DNAH14: variants seen among roughly 807,000 people sequenced by gnomAD.
DNAH14 encodes the protein axonemal beta dynein heavy chain 14.
Under a neutral mutation model 520.9 loss-of-function variants are expected in DNAH14, and 478 were observed. The observed-to-expected ratio is 0.92, with a 90% CI of 0.85 to 0.99. The LOEUF (loss-of-function observed/expected upper bound fraction) is 0.99. Ranked by LOEUF, DNAH14 falls within the 50% of genes least tolerant of loss-of-function variation. The pLI is 0.00. For synonymous variants in DNAH14, 1,581 were observed against 1,757.2 expected (o/e 0.90, Z 2.51); for missense variants, 4,831 against 5,234.5 (o/e 0.92, Z 2.38).
chr1:225,150,357 CTTGTTGTTGTGTCTTTGCCA>C (rs1028377051), intron 31 of DNAH14, among the ~76,000 whole-genome samples: 2 of 152,036 alleles, frequency 1.3e-5, no homozygotes, highest in African/African-American at 4.8e-5. Context: ...GAAGTTTCTT[CTTGTTGTTGTGTCTTTGCCA>C]GGTTTTAGTG....
chr1:225,127,692 C>T (rs527517487), intron 27 of DNAH14, among the ~76,000 whole-genome samples: 36 of 152,148 alleles, frequency 2.4e-4, no homozygotes, highest in Middle Eastern at 3.4e-3. Flanking sequence ...TTAATGGGAG[C>T]GTTTAGTCCA....
intron 31 of DNAH14, among the ~76,000 whole-genome samples, chr1:225,150,359 T>C (rs1313839975): frequency 6.6e-6 from 1 of 152,152 alleles, no homozygotes; most frequent in Non-Finnish European, 1.5e-5. Flanking sequence ...AGTTTCTTCT[T>C]GTTGTTGTGT....
chr1:224,942,933 G>A (rs1320073746), intron 1 of DNAH14, among the ~76,000 whole-genome samples: 1 of 152,098 alleles, frequency 6.6e-6, no homozygotes, highest in Non-Finnish European at 1.5e-5. Flanking sequence ...TTTTTGCATC[G>A]ATGTTCATCG....
chr1:225,096,364 A>C (rs1399866692), intron 21 of DNAH14, among the ~76,000 whole-genome samples: 1 of 152,214 alleles, frequency 6.6e-6, no homozygotes, highest in Non-Finnish European at 1.5e-5. Flanking sequence ...AATAAAGTTA[A>C]GAAGTAAAAA....
intron 46 of DNAH14, among the ~76,000 whole-genome samples, chr1:225,260,306 T>G (rs2092890347): frequency 6.7e-6 from 1 of 149,728 alleles, no homozygotes; most frequent in Non-Finnish European, 1.5e-5. Flanking sequence ...GAGCCAAGAT[T>G]GCGCCATTGT....
chr1:225,197,623 G>A (rs1413550500), intron 38 of DNAH14, among the ~76,000 whole-genome samples: 1 of 152,100 alleles, frequency 6.6e-6, no homozygotes, highest in Non-Finnish European at 1.5e-5. Context: ...TTTGTAGATT[G>A]CTTTTTTGGC....
intron 23 of DNAH14, among the ~76,000 whole-genome samples, chr1:225,111,308 A>G (rs982493968): frequency 2.0e-5 from 3 of 152,156 alleles, no homozygotes; most frequent in Non-Finnish European, 4.4e-5. Context: ...GGTTGGGTGC[A>G]TTTATATTTA....
chr1:225,132,633 G>A (rs747131550), intron 27 of DNAH14, among the ~76,000 whole-genome samples: 13 of 152,028 alleles, frequency 8.6e-5, no homozygotes, highest in Non-Finnish European at 1.9e-4. Flanking sequence ...GAGCATTTTT[G>A]TTGATTCCAT....
chr1:225,381,152 TAG>T (rs2095777121), intron 80 of DNAH14, among the ~76,000 whole-genome samples: 1 of 152,186 alleles, frequency 6.6e-6, no homozygotes, highest in East Asian at 1.9e-4. Context: ...CCACACATAG[TAG>T]ATAGTGTGGC....
intron 8 of DNAH14, among the ~76,000 whole-genome samples, chr1:224,990,824 G>A (rs182878883): frequency 6.6e-6 from 1 of 152,224 alleles, no homozygotes; most frequent in East Asian, 1.9e-4. Flanking sequence ...AAGTGGGATT[G>A]TTGAATCATA....
chr1:225,250,779 G>C, intron 43 of DNAH14: 1 of 460,686 alleles, frequency 2.2e-6, no homozygotes, highest in Non-Finnish European at 4.0e-6. Flanking sequence ...GGATTGGCTA[G>C]TTTGAATAAT....
intron 11 of DNAH14, among the ~76,000 whole-genome samples, chr1:225,025,952 G>A (rs114870051): frequency 0.018 from 2,782 of 151,982 alleles, 43 homozygotes; most frequent in Non-Finnish European, 0.027. Flanking sequence ...TATGTTCTTT[G>A]AGGAAATATC....
chr1:225,016,227 GTTTAA>G (rs2065208243), intron 10 of DNAH14, among the ~76,000 whole-genome samples: 3 of 152,248 alleles, frequency 2.0e-5, no homozygotes, highest in East Asian at 1.9e-4. Context: ...AACTTTTTAA[GTTTAA>G]TTTAACTTTT....
Position 225,050,377 on chromosome 1 carries a change from G to A in DNAH14, c.2079+1G>A. 2 of 1,540,166 alleles carry A rather than the reference G, an allele frequency of 1.3e-6. No individual in the cohort carries two copies. The highest frequency in any genetic ancestry group is 1.2e-5 in the South Asian group (1 of 80,018). ...AACAGATCCTGCCTACCAAAATATA[G>A]TAAGTTTTAAAACAGTTCATTTTAG... On this transcript the variant is annotated splice_donor_variant, in intron 16 of 85. Transcript: ENST00000682510. LOFTEE classifies it high-confidence loss of function.
intron 23 of DNAH14, among the ~76,000 whole-genome samples, chr1:225,102,530 C>G (rs886598173): frequency 2.0e-5 from 3 of 152,180 alleles, no homozygotes; most frequent in Non-Finnish European, 4.4e-5. Flanking sequence ...GTTCCTATTT[C>G]TCCACATCCT....
chr1:225,386,117 C>T (rs6657041), intron 81 of DNAH14, among the ~76,000 whole-genome samples: 20,642 of 152,140 alleles, frequency 0.14, 3,353 homozygotes, highest in African/African-American at 0.39. Flanking sequence ...CGGACAAAAA[C>T]AAGCAATGGG....
At chr1:225,373,292 C>T (rs781372252) in intron 77 of DNAH14, among the ~76,000 whole-genome samples, 1 of 152,018 alleles carries the variant, frequency 6.6e-6, no homozygotes, top group Non-Finnish European at 1.5e-5. Context: ...AGATCGAGAC[C>T]ATGCTGGTTA....
chr1:225,047,812 A>G (rs886176738), intron 15 of DNAH14, among the ~76,000 whole-genome samples: 2 of 152,224 alleles, frequency 1.3e-5, no homozygotes, highest in African/African-American at 2.4e-5. Flanking sequence ...TGCTTAAGTC[A>G]ACCCTTTTCT....
chr1:225,337,588 ACTGTCAGGG>A, intron 67 of DNAH14, 92 bp downstream of exon 67: 1 of 960,456 alleles, frequency 1.0e-6, no homozygotes, highest in Admixed American at 2.3e-5. Context: ...GTGACAGATA[ACTGTCAGGG>A]AAAAAATAAT....
Sources: allele counts gnomAD v4.1 joint callset (sites outside exome capture counted in the v4.1 genomes callset), GRCh38; gene constraint gnomAD v4.1.1; transcripts MANE v1.5; gene names NCBI Gene and HGNC (gene_info 2026-07-23, HGNC 2026-07-21).